The following PEX5L variants were observed in gnomAD, a reference collection of about 807,000 sequenced individuals.
PEX5L encodes the protein peroxisomal biogenesis factor 5 like.
A neutral mutation model predicts 84.0 loss-of-function variants in PEX5L; 30 were observed. That is an observed-to-expected ratio of 0.36 (90% CI 0.27 to 0.48). PEX5L has a LOEUF of 0.48. PEX5L is among the 20% of genes least tolerant of loss of function. The pLI, the probability that PEX5L is intolerant of heterozygous loss-of-function variation, is 0.99. For missense variants in PEX5L, 533 were observed against 754.6 expected, an observed-to-expected ratio of 0.71 and a Z score of 3.44; for synonymous variants, 270 against 283.1, an observed-to-expected ratio of 0.95 and a Z score of 0.46.
chr3:179,874,911 A>C (rs941778950), intron 6 of PEX5L, among the ~76,000 whole-genome samples: 2 of 151,480 alleles, frequency 1.3e-5, no homozygotes, highest in Non-Finnish European at 2.9e-5. Context: ...AATATGGTAC[A>C]ACTCAGGTGG....
chr3:179,912,542 T>G (rs940597315), intron 2 of PEX5L, among the ~76,000 whole-genome samples: 1 of 152,082 alleles, frequency 6.6e-6, no homozygotes, highest in Non-Finnish European at 1.5e-5. Flanking sequence ...AATTAAACTT[T>G]TAAAAGGTTC....
chr3:179,917,626 C>T (rs1009423501), intron 2 of PEX5L, among the ~76,000 whole-genome samples: 19 of 152,018 alleles, frequency 1.2e-4, no homozygotes, highest in Admixed American at 3.9e-4. Context: ...GGACCACTGT[C>T]GTATATGTGG....
rs754547679 is a variant in PEX5L at position 179,887,737 on chromosome 3, G to A, written c.246C>T (p.Ile82=). 2.7e-5 allele frequency: 43 copies of A among 1,613,834 alleles called. No homozygotes were observed. The East Asian group carries it at 8.9e-4, about 33-fold the overall frequency. ...QESRPLLSPS[I]DDFLCETKSE... ...ATTTGGTTTCACAGAGAAAGTCATC[G>A]ATGGAGGGACTCAGGAGGGGTCTGC... Residue 82 remains isoleucine, a synonymous_variant, in exon 4 of 15, where the codon ATC becomes ATT. Coordinates refer to ENST00000467460, the MANE Select transcript of PEX5L (RefSeq NM_016559.3).
At chr3:179,959,061 A>G (rs954822755) in intron 2 of PEX5L, among the ~76,000 whole-genome samples, 45 of 6,478 alleles carry the variant, frequency 6.9e-3, no homozygotes, top group African/African-American at 9.6e-3. Flanking sequence ...AACAAAACCG[A>G]AAAAAAAAAA....
intron 2 of PEX5L, among the ~76,000 whole-genome samples, chr3:179,970,825 TTC>T (rs377683440): frequency 6.6e-5 from 10 of 152,254 alleles, no homozygotes; most frequent in African/African-American, 2.2e-4. Context: ...TTTGAATTAT[TTC>T]TCTCTCTACA....
intron 2 of PEX5L, among the ~76,000 whole-genome samples, chr3:179,949,025 C>G (rs1477217907): frequency 6.6e-6 from 1 of 152,074 alleles, no homozygotes; most frequent in South Asian, 2.1e-4. Flanking sequence ...GTGACGGTGC[C>G]GTTGTGTCTC....
rs899724909 is a variant in PEX5L at position 179,973,476 on chromosome 3, T to G, written c.22-1811A>C. ...ACTAATTTTTATCCATGCACTTCTA[T>G]GCTCTTTGACTGTTGTTCCCATTTA... On this transcript the variant is annotated intron_variant, in intron 1 of 14. Coordinates refer to ENST00000467460, the MANE Select transcript of PEX5L (RefSeq NM_016559.3). The G allele has an allele frequency of 4.1e-6, 4 of 968,654 alleles. No individual in the cohort carries two copies. In the African/African-American group the frequency reaches 7.0e-5, roughly 17 times the overall value. The allele number at this position is 968,654 out of a possible 1,614,324, so 60.0% of individuals were successfully genotyped here.
At chr3:180,022,791 T>C (rs975365839) in intron 1 of PEX5L, among the ~76,000 whole-genome samples, 2 of 152,168 alleles carry the variant, frequency 1.3e-5, no homozygotes, top group African/African-American at 4.8e-5. Flanking sequence ...GATTTCTGCA[T>C]AAAAGATGGG....
At chr3:180,005,762 G>A (rs1174056815) in intron 1 of PEX5L, among the ~76,000 whole-genome samples, 1 of 152,076 alleles carries the variant, frequency 6.6e-6, no homozygotes. Context: ...AGAGACCAAG[G>A]TCTCACTGTA....
chr3:179,897,317 A>G (rs1190140007), intron 3 of PEX5L, among the ~76,000 whole-genome samples: 1 of 152,130 alleles, frequency 6.6e-6, no homozygotes, highest in East Asian at 1.9e-4. Flanking sequence ...AAATTATAAG[A>G]TAAATGCAAG....
intron 1 of PEX5L, among the ~76,000 whole-genome samples, chr3:180,027,825 T>C (rs1791102372): frequency 6.6e-6 from 1 of 152,240 alleles, no homozygotes; most frequent in Non-Finnish European, 1.5e-5. Context: ...AGCTTTTTCT[T>C]GTTTTTTCAT....
intron 3 of PEX5L, among the ~76,000 whole-genome samples, chr3:179,892,177 C>G (rs1310596230): frequency 1.3e-5 from 2 of 152,222 alleles, no homozygotes; most frequent in South Asian, 4.2e-4. Flanking sequence ...GTTGCTAAGG[C>G]CTTTGTCTCA....
intron 5 of PEX5L, among the ~76,000 whole-genome samples, chr3:179,876,712 TA>T (rs1272012563): frequency 6.6e-6 from 1 of 152,158 alleles, no homozygotes; most frequent in African/African-American, 2.4e-5. Flanking sequence ...CTCTACTCAT[TA>T]AACACGAACT....
intron 8 of PEX5L, among the ~76,000 whole-genome samples, chr3:179,846,000 T>C (rs964320956): frequency 1.3e-5 from 2 of 152,076 alleles, no homozygotes; most frequent in Non-Finnish European, 2.9e-5. Context: ...TAAAATGCCG[T>C]TTCTACTAAA....
chr3:179,958,061 C>T (rs1400193165), intron 2 of PEX5L, among the ~76,000 whole-genome samples: 4 of 152,130 alleles, frequency 2.6e-5, no homozygotes, highest in African/African-American at 9.7e-5. Flanking sequence ...CACATATATA[C>T]ATACACACTC....
At chr3:179,822,040 A>T (rs1486091548) in intron 8 of PEX5L, among the ~76,000 whole-genome samples, 1 of 152,226 alleles carries the variant, frequency 6.6e-6, no homozygotes, top group African/African-American at 2.4e-5. Flanking sequence ...GATACTAAAA[A>T]CTTTGGAAAA....
intron 1 of PEX5L, among the ~76,000 whole-genome samples, chr3:180,014,666 T>C (rs1025563330): frequency 2.0e-5 from 3 of 152,180 alleles, no homozygotes; most frequent in African/African-American, 7.2e-5. Flanking sequence ...TTTTAAGTCA[T>C]ATAAAAACAG....
At chr3:180,000,508 G>A (rs1357487570) in intron 1 of PEX5L, among the ~76,000 whole-genome samples, 13 of 152,130 alleles carry the variant, frequency 8.5e-5, no homozygotes, top group African/African-American at 2.4e-5. Flanking sequence ...AAAAAACCAC[G>A]ACCTGCTGAG....
In PEX5L at chr3:179,954,804, C is replaced by T. The variant is rs1048947635; in HGVS notation, c.93+16790G>A. 1.8e-4 allele frequency among the ~76,000 whole-genome samples: 28 copies of T among 151,694 alleles called. 1 individual carries two copies. Among genetic ancestry groups the T allele is most frequent in the African/African-American group, 5.8e-4 (24 of 41,348 alleles). The stretch of plus-strand genomic sequence containing the variant: ...TGTTTTATTTTTTTTTTATTTTCAT[C>T]ATTCTGAAAAACTGTCATAATTATA... On this transcript the variant is annotated intron_variant, in intron 2 of 14. Transcript: ENST00000467460.
Sources: gnomAD v4.1 joint callset for allele counts (sites outside exome capture counted in the v4.1 genomes callset) on GRCh38, gnomAD v4.1.1 for gene constraint, MANE v1.5 for transcripts, NCBI Gene and HGNC (gene_info 2026-07-23, HGNC 2026-07-21) for gene names.